The following RAB30 variants were observed in gnomAD, a reference collection of about 807,000 sequenced individuals.
The protein encoded by RAB30 is RAB30, member RAS oncogene family.
A neutral mutation model predicts 25.1 loss-of-function variants in RAB30; 9 were observed. That is an observed-to-expected ratio of 0.36 (90% CI 0.22 to 0.63). The LOEUF (loss-of-function observed/expected upper bound fraction) is 0.63. RAB30 is among the 20% of genes least tolerant of loss of function. RAB30 has a pLI of 0.69. For missense variants in RAB30, 140 were observed against 243.5 expected (o/e 0.58, Z 2.83); for synonymous variants, 77 against 86.4 (o/e 0.89, Z 0.60).
At chr11:83,027,588 G>A (rs1019312820) in intron 1 of RAB30, among the ~76,000 whole-genome samples, 1 of 151,996 alleles carries the variant, frequency 6.6e-6, no homozygotes, top group Non-Finnish European at 1.5e-5. Context: ...AGAGTTTCCT[G>A]ACAGTACTTT....
At chr11:82,992,269 A>G (rs1202405774) in intron 3 of RAB30, 2 of 455,112 alleles carry the variant, frequency 4.4e-6, no homozygotes, top group East Asian at 7.0e-5. Context: ...CACCCCCCAC[A>G]CTATTTTTGT....
At position 82,975,736 on chromosome 11, in the gene RAB30, C is replaced by A. The variant is rs955895872; in HGVS notation, c.*6429G>T. The A allele has an allele frequency of 2.6e-5, 4 of 152,040 alleles. No individual in the cohort carries two copies. Among genetic ancestry groups the A allele is most frequent in the African/African-American group, 9.7e-5 (4 of 41,400 alleles). 9.4% of individuals were successfully genotyped at this position (152,040 alleles called of 1,614,324 possible). ...ACTGAAGAGTTAATCAACAGTAAGA[C>A]CGTGATCTACATCTGATACCAATAA... On this transcript the variant is annotated 3_prime_UTR_variant, in exon 5 of 5. Transcript: ENST00000527633.
rs117808215 is a variant in RAB30 at position 82,984,105 on chromosome 11, C to A, written c.362-1690G>T. Among the ~76,000 whole-genome samples, 5 of 152,298 alleles carry A rather than the reference C, an allele frequency of 3.3e-5. No individual in the cohort carries two copies. The East Asian group carries it at 9.6e-4, about 29-fold the overall frequency. On this transcript the variant is annotated intron_variant, in intron 4 of 4. Coordinates refer to ENST00000527633, the MANE Select transcript of RAB30 (RefSeq NM_001286060.2). Reference sequence around the variant, plus strand: ...AAGTTTTCCACCTACCTCAAATTCTCCAGGAAACCTGACAAAGGTGTGTCA... The same window carrying A: ...AAGTTTTCCACCTACCTCAAATTCTACAGGAAACCTGACAAAGGTGTGTCA...
rs560248745 is a variant in RAB30, at chr11:83,010,843, C to A, written c.-8-13519G>T. Among the ~76,000 whole-genome samples the A allele has an allele frequency of 3.3e-5, 5 of 152,302 alleles. No homozygotes were observed. In the South Asian group the frequency reaches 1.0e-3, roughly 32 times the overall value. On this transcript the variant is annotated intron_variant, in intron 1 of 4. Coordinates refer to ENST00000527633, the MANE Select transcript of RAB30 (RefSeq NM_001286060.2). ...AAAACAGTAAAGAACTAGAAACAATCAAAATGTCCAAAGGAAAGTTCCATA... is the reference window on the plus strand; with the variant it reads ...AAAACAGTAAAGAACTAGAAACAATAAAAATGTCCAAAGGAAAGTTCCATA...
chr11:82,986,190 C>T (rs778084995), intron 4 of RAB30, among the ~76,000 whole-genome samples: 9 of 152,136 alleles, frequency 5.9e-5, no homozygotes, highest in Admixed American at 1.3e-4. Flanking sequence ...ATTAATACAA[C>T]CTCTGAGATT....
At chr11:83,050,307 T>C (rs556886399) in intron 1 of RAB30, among the ~76,000 whole-genome samples, 1 of 152,168 alleles carries the variant, frequency 6.6e-6, no homozygotes, top group African/African-American at 2.4e-5. Context: ...ATTTACTCAT[T>C]TGTTTGCATG....
chr11:82,987,552 C>A (rs760811796), intron 4 of RAB30, 35 bp downstream of exon 4: 2 of 1,567,922 alleles, frequency 1.3e-6, no homozygotes, highest in South Asian at 1.2e-5. Context: ...CTAATGCCCA[C>A]AAATCAATTT....
chr11:83,032,844 G>C (rs1331850428), intron 1 of RAB30, among the ~76,000 whole-genome samples: 1 of 151,954 alleles, frequency 6.6e-6, no homozygotes, highest in African/African-American at 2.4e-5. Flanking sequence ...AGTAACATCA[G>C]GGAACATTTA....
At chr11:82,995,408 A>G (rs532628436) in intron 2 of RAB30, among the ~76,000 whole-genome samples, 3 of 152,340 alleles carry the variant, frequency 2.0e-5, no homozygotes, top group Admixed American at 6.5e-5. Context: ...ATAGCTCCAG[A>G]TGTTTTGCAC....
At position 82,976,189 on chromosome 11, in the gene RAB30, G is replaced by A. The variant is rs1334830048; in HGVS notation, c.*5976C>T. On this transcript the variant is annotated 3_prime_UTR_variant, in exon 5 of 5. Transcript: ENST00000527633. ...AATGGAGTTCTTTTCTTTGAAGCCA[G>A]GAAAGTTTCTTTGTTTTGTCTCTTA... is the stretch of plus-strand genomic sequence containing the variant. 1 of 151,546 alleles carries A rather than the reference G, an allele frequency of 6.6e-6. No homozygotes were observed. The allele number at this position is 151,546 out of a possible 1,614,324, so 9.4% of individuals were successfully genotyped here.
chr11:83,062,245 C>T lies in RAB30; in HGVS notation c.-9+9446G>A, dbSNP rs183354630. On this transcript the variant is annotated intron_variant, in intron 1 of 4. Transcript: ENST00000527633. ...ACTTAACCTTACTGAAAATTGGTTCCTCATTTGTATGTAAAAAATTGAGCT... is the reference window on the plus strand; with the variant it reads ...ACTTAACCTTACTGAAAATTGGTTCTTCATTTGTATGTAAAAAATTGAGCT... 5.3e-5 allele frequency among the ~76,000 whole-genome samples: 8 copies of T among 152,246 alleles called. 2 individuals carry two copies. In the East Asian group the frequency reaches 1.2e-3, roughly 22 times the overall value.
chr11:83,065,831 C>A (rs1858684308), intron 1 of RAB30, among the ~76,000 whole-genome samples: 2 of 152,168 alleles, frequency 1.3e-5, no homozygotes, highest in Admixed American at 6.5e-5. Flanking sequence ...AACAACCTTA[C>A]AAAGAAACAG....
chr11:83,044,156 G>A (rs1858189405), intron 1 of RAB30, among the ~76,000 whole-genome samples: 2 of 152,136 alleles, frequency 1.3e-5, no homozygotes. Context: ...ATATTCCTGT[G>A]TTTCTCTATT....
At chr11:83,065,405 AAG>A (rs931112761) in intron 1 of RAB30, among the ~76,000 whole-genome samples, 40 of 152,130 alleles carry the variant, frequency 2.6e-4, no homozygotes, top group Non-Finnish European at 1.5e-5. Context: ...AGAGAAAGGA[AAG>A]AGAGAAAAGG....
Position 83,018,480 on chromosome 11 carries a change from T to C in RAB30, c.-8-21156A>G, listed in dbSNP as rs577061733. ...CTTTTTCATGTTTATTGACCATTTGTATATCTTCTTCTGAGAATTGTCTAT... is the reference window on the plus strand; with the variant it reads ...CTTTTTCATGTTTATTGACCATTTGCATATCTTCTTCTGAGAATTGTCTAT... On this transcript the variant is annotated intron_variant, in intron 1 of 4. Coordinates refer to ENST00000527633, the MANE Select transcript of RAB30 (RefSeq NM_001286060.2). Among the ~76,000 whole-genome samples, 3 of 152,344 alleles carry C rather than the reference T, an allele frequency of 2.0e-5. No homozygotes were observed. In the East Asian group the frequency reaches 5.8e-4, roughly 29 times the overall value.
intron 1 of RAB30, among the ~76,000 whole-genome samples, chr11:83,009,180 C>T (rs984722224): frequency 6.6e-6 from 1 of 151,574 alleles, no homozygotes; most frequent in Non-Finnish European, 1.5e-5. Flanking sequence ...GCAATTCTGT[C>T]TCAGCCTCCC....
chr11:82,982,184 G>C lies in RAB30; in HGVS notation c.593C>G (p.Thr198Ser). 1.2e-6 allele frequency: 2 copies of C among 1,614,212 alleles called. No homozygotes were observed. Among genetic ancestry groups the C allele is most frequent in the South Asian group, 1.1e-5 (1 of 91,072 alleles). Residue 198 changes from threonine (T) to serine (S), a missense_variant, in exon 5 of 5, where the codon ACT (threonine) becomes AGT (serine). Coordinates refer to ENST00000527633, the MANE Select transcript of RAB30 (RefSeq NM_001286060.2). ...CAGCCTTTAGTTGAAATTACAACAA[G>C]TCAAATAGCTGATGCTTTTCCCTTC... ...PGEGKSISYL[T>S]CCNFN
At chr11:83,005,567 C>T (rs1473899984) in intron 1 of RAB30, among the ~76,000 whole-genome samples, 2 of 152,148 alleles carry the variant, frequency 1.3e-5, no homozygotes, top group African/African-American at 4.8e-5. Flanking sequence ...AGGTCTGTCT[C>T]ACTCCTTATA....
At chr11:83,059,815 A>T (rs1399564090) in intron 1 of RAB30, among the ~76,000 whole-genome samples, 1 of 152,186 alleles carries the variant, frequency 6.6e-6, no homozygotes, top group Non-Finnish European at 1.5e-5. Context: ...CAGAAAGCAT[A>T]AGGTTGAGGG....
Sources: allele counts gnomAD v4.1 joint callset (sites outside exome capture counted in the v4.1 genomes callset), GRCh38; gene constraint gnomAD v4.1.1; transcripts MANE v1.5; gene names NCBI Gene and HGNC (gene_info 2026-07-23, HGNC 2026-07-21).